The following ARHGEF5 variants were observed in gnomAD, a reference collection of about 807,000 sequenced individuals.
ARHGEF5 encodes the protein Rho guanine nucleotide exchange factor 5.
Under a neutral mutation model 104.0 loss-of-function variants are expected in ARHGEF5, and 11 were observed. That is an observed-to-expected ratio of 0.11 (90% CI 0.07 to 0.18). The LOEUF (loss-of-function observed/expected upper bound fraction) is 0.18, where lower values mean the gene tolerates loss of function less well. Ranked by LOEUF, ARHGEF5 falls within the 10% of genes least tolerant of loss-of-function variation. The probability of loss-of-function intolerance (pLI) is 1.00; values close to 1 mark genes in which losing one functional copy is unlikely to be tolerated. For missense variants in ARHGEF5, 165 were observed against 1,335.4 expected (o/e 0.12, Z 13.66); for synonymous variants, 60 against 512.2 (o/e 0.12, Z 11.92).
At position 144,380,160 on chromosome 7, in the gene ARHGEF5, C is replaced by A. The variant is rs1563121484; in HGVS notation, c.*104C>A. The A allele has an allele frequency of 6.9e-7, 1 of 1,443,960 alleles. No individual in the cohort carries two copies. Among genetic ancestry groups the A allele is most frequent in the South Asian group, 1.3e-5 (1 of 78,476 alleles). The allele number at this position is 1,443,960 out of a possible 1,614,324, so 89.4% of individuals were successfully genotyped here. A position where few individuals can be genotyped will look rare whatever the true frequency, so the allele number is the denominator to read the frequency against. On this transcript the variant is annotated 3_prime_UTR_variant, in exon 15 of 15. Transcript: ENST00000056217. The stretch of plus-strand genomic sequence containing the variant: ...GGCCTTCTGTGGATGGAGAACTAGG[C>A]CTTCTCAAAGCTCAAGGACAAAATC...
At chr7:144,377,282 G>C in intron 13 of ARHGEF5, 92 bp downstream of exon 13, 1 of 1,552,968 alleles carries the variant, frequency 6.4e-7, no homozygotes, top group South Asian at 1.2e-5. Context: ...GGAACTCTAG[G>C]CTTTCATTTA....
chr7:144,359,911 C>T (rs2053625407), intron 1 of ARHGEF5, among the ~76,000 whole-genome samples: 1 of 144,436 alleles, frequency 6.9e-6, no homozygotes, highest in South Asian at 2.2e-4. Flanking sequence ...GAGGCCAGTG[C>T]CCAAGCTGTG....
intron 1 of ARHGEF5, among the ~76,000 whole-genome samples, chr7:144,360,787 A>C (rs1157715428): frequency 2.2e-5 from 3 of 136,806 alleles, no homozygotes; most frequent in African/African-American, 8.1e-5. Context: ...TTAATCTCAT[A>C]AATTTTACTA....
At chr7:144,377,316 G>T in intron 13 of ARHGEF5, 126 bp downstream of exon 13, 1 of 1,513,476 alleles carries the variant, frequency 6.6e-7, no homozygotes, top group Non-Finnish European at 8.9e-7. Context: ...AAATGTCAGG[G>T]TGGAAGATTG....
chr7:144,373,778 TC>T (rs1237172549), intron 10 of ARHGEF5, among the ~76,000 whole-genome samples: 9 of 137,528 alleles, frequency 6.5e-5, no homozygotes, highest in African/African-American at 1.6e-4. Flanking sequence ...AGAGCCAGCA[TC>T]CCTCATTGAA....
At chr7:144,357,095 C>T (rs1485949015) in intron 1 of ARHGEF5, among the ~76,000 whole-genome samples, 1 of 131,898 alleles carries the variant, frequency 7.6e-6, no homozygotes, top group Non-Finnish European at 1.6e-5. Context: ...GGCTGGGTCA[C>T]TCACAGTGTC....
intron 13 of ARHGEF5, 72 bp from the exon 14 acceptor site, chr7:144,378,690 C>A (rs567691858): frequency 2.3e-6 from 3 of 1,310,500 alleles, no homozygotes; most frequent in Admixed American, 1.9e-5. Flanking sequence ...CACGCCACCC[C>A]CCTCCAAGTC....
chr7:144,378,266 G>T (rs143458331), intron 13 of ARHGEF5, among the ~76,000 whole-genome samples: 115 of 152,314 alleles, frequency 7.6e-4, no homozygotes, highest in African/African-American at 2.7e-3. Flanking sequence ...TCTGGCTTAG[G>T]TCAAACCTGG....
rs1337297937 is a variant in ARHGEF5, at chr7:144,380,098, C to T, written c.*42C>T. On this transcript the variant is annotated 3_prime_UTR_variant, in exon 15 of 15. Transcript: ENST00000056217. ...GTTTCGTGAGCTGAAGAACAAGCTG[C>T]TCATGGCAAGGGCTGGCCCCAGAAC... The T allele has an allele frequency of 1.2e-6, 2 of 1,612,174 alleles. No individual in the cohort carries two copies. The highest frequency in any genetic ancestry group is 1.7e-4 in the Middle Eastern group (1 of 6,060).
intron 13 of ARHGEF5, among the ~76,000 whole-genome samples, chr7:144,378,342 A>G (rs746272998): frequency 6.6e-5 from 10 of 152,222 alleles, no homozygotes; most frequent in Non-Finnish European, 1.0e-4. Context: ...AGAATAAGAC[A>G]CAGACTCAGA....
At chr7:144,368,496 C>CA (rs1185864933) in intron 5 of ARHGEF5, among the ~76,000 whole-genome samples, 1 of 48,306 alleles carries the variant, frequency 2.1e-5, no homozygotes, top group Admixed American at 2.6e-4. Context: ...AGTAATTTCT[C>CA]AAAAAATGTT....
intron 5 of ARHGEF5, among the ~76,000 whole-genome samples, chr7:144,370,746 G>A (rs1438057115): frequency 3.4e-5 from 5 of 146,694 alleles, no homozygotes; most frequent in Admixed American, 6.9e-5. Context: ...GATTACAGGC[G>A]TGAGCCACTG....
intron 13 of ARHGEF5, 95 bp from the exon 14 acceptor site, chr7:144,378,667 T>C (rs893326446): frequency 9.9e-7 from 1 of 1,005,706 alleles, no homozygotes; most frequent in Non-Finnish European, 1.5e-6. Context: ...TCTGTCTCTA[T>C]CTCAAGTCCT....
intron 13 of ARHGEF5, among the ~76,000 whole-genome samples, chr7:144,378,306 C>T (rs1029192231): frequency 6.6e-6 from 1 of 152,154 alleles, no homozygotes; most frequent in Admixed American, 6.5e-5. Context: ...TTCTTGGTTC[C>T]ACATCTGGTA....
At chr7:144,378,436 TA>T (rs1265466936) in intron 13 of ARHGEF5, among the ~76,000 whole-genome samples, 1 of 152,152 alleles carries the variant, frequency 6.6e-6, no homozygotes, top group Non-Finnish European at 1.5e-5. Flanking sequence ...CAAGCAGTCT[TA>T]AAAGAGTTCA....
At chr7:144,359,313 TAA>T (rs1325598291) in intron 1 of ARHGEF5, among the ~76,000 whole-genome samples, 8 of 132,308 alleles carry the variant, frequency 6.0e-5, no homozygotes, top group African/African-American at 2.2e-4. Context: ...GATGTTCAAA[TAA>T]ATTTAATGGT....
At position 144,380,146 on chromosome 7, in the gene ARHGEF5, G is replaced by T; in HGVS notation, c.*90G>T. ...AACCCTGCAAGAGAGGCCTTCTGTG[G>T]ATGGAGAACTAGGCCTTCTCAAAGC... is the stretch of plus-strand genomic sequence containing the variant. On this transcript the variant is annotated 3_prime_UTR_variant, in exon 15 of 15. Coordinates refer to ENST00000056217, the MANE Select transcript of ARHGEF5 (RefSeq NM_005435.4). The T allele has an allele frequency of 6.6e-7, 1 of 1,516,832 alleles. No individual in the cohort carries two copies. Among genetic ancestry groups the T allele is most frequent in the East Asian group, 2.3e-5 (1 of 44,086 alleles). The allele number at this position is 1,516,832 out of a possible 1,614,324, so 94.0% of individuals were successfully genotyped here.
chr7:144,359,597 T>A (rs1202078524), intron 1 of ARHGEF5, among the ~76,000 whole-genome samples: 5 of 122,536 alleles, frequency 4.1e-5, no homozygotes, highest in Non-Finnish European at 9.0e-5. Flanking sequence ...AAAAGAGGAT[T>A]CCAGGCAGAG....
chr7:144,379,948 T>C lies in ARHGEF5; in HGVS notation c.4686T>C (p.Pro1562=). The C allele has an allele frequency of 6.2e-7, 1 of 1,614,238 alleles. No homozygotes were observed. Among genetic ancestry groups the C allele is most frequent in the Middle Eastern group, 1.6e-4 (1 of 6,062 alleles). ...RLSDGERGWF[P]VQQVEFISNP... is the part of the protein sequence containing the mutation. ...CAGACGGGGAGCGAGGCTGGTTTCC[T>C]GTGCAGCAGGTGGAGTTCATTTCCA... The change falls in exon 15 of 15, where the codon CCT becomes CCC. Residue 1562 remains proline (P), a synonymous_variant. Transcript: ENST00000056217.
Sources: allele counts gnomAD v4.1 joint callset (sites outside exome capture counted in the v4.1 genomes callset), GRCh38; gene constraint gnomAD v4.1.1; transcripts MANE v1.5; gene names NCBI Gene and HGNC (gene_info 2026-07-23, HGNC 2026-07-21).